PLCL1: variants seen among roughly 807,000 people sequenced by gnomAD.
PLCL1 encodes phospholipase C like 1 (inactive), also known as inactive phospholipase C-like protein 1.
A neutral mutation model predicts 84.4 loss-of-function variants in PLCL1; 41 were observed. That is an observed-to-expected ratio of 0.49 (90% CI 0.38 to 0.63). The LOEUF (loss-of-function observed/expected upper bound fraction) is 0.63. Ranked by LOEUF, PLCL1 falls within the 30% of genes least tolerant of loss-of-function variation. PLCL1 has a pLI of 0.00. For missense variants in PLCL1, 1,206 were observed against 1,367.8 expected, an observed-to-expected ratio of 0.88 and a Z score of 1.87; for synonymous variants, 490 against 488.3, an observed-to-expected ratio of 1.00 and a Z score of -0.05.
chr2:198,084,373 G>A lies in PLCL1; in HGVS notation c.856G>A (p.Glu286Lys). The change falls in exon 2 of 6, where the codon GAA (glutamate) becomes AAA (lysine). Residue 286 changes from glutamate to lysine, a missense_variant. Physicochemically the swap from Glu to Lys is moderately conservative, Grantham distance 56 (BLOSUM62 1). Transcript: ENST00000428675. ...KEAKIRLKFK[E>K]IQKSKEKLTT... ...AGCCAAGATCAGGTTAAAGTTTAAA[G>A]AAATCCAGAAGAGCAAGGAAAAACT... 1.9e-6 allele frequency: 3 copies of A among 1,614,118 alleles called. No individual in the cohort carries two copies. Among genetic ancestry groups the A allele is most frequent in the Non-Finnish European group, 2.5e-6 (3 of 1,179,996 alleles).
intron 1 of PLCL1, among the ~76,000 whole-genome samples, chr2:198,023,136 C>T (rs893860241): frequency 1.1e-4 from 16 of 152,164 alleles, no homozygotes; most frequent in Non-Finnish European, 1.9e-4. Flanking sequence ...CTGACAAAAA[C>T]AAGCAATGGG....
intron 1 of PLCL1, among the ~76,000 whole-genome samples, chr2:197,923,262 C>G (rs1262150810): frequency 6.7e-6 from 1 of 148,526 alleles, no homozygotes; most frequent in African/African-American, 2.5e-5. Flanking sequence ...GGGCTGACCC[C>G]CCCCACCTCC....
intron 5 of PLCL1, among the ~76,000 whole-genome samples, chr2:198,112,219 G>C (rs1248076622): frequency 1.3e-5 from 2 of 151,802 alleles, no homozygotes; most frequent in Non-Finnish European, 2.9e-5. Flanking sequence ...TGGTTAGCAT[G>C]AATCAGCTTC....
intron 1 of PLCL1, among the ~76,000 whole-genome samples, chr2:197,859,136 A>G (rs1233154354): frequency 6.6e-6 from 1 of 151,546 alleles, no homozygotes; most frequent in Admixed American, 6.6e-5. Flanking sequence ...GCTTGATAGA[A>G]TGAGCTGCAA....
chr2:197,820,301 C>G (rs969493824), intron 1 of PLCL1, among the ~76,000 whole-genome samples: 7 of 152,072 alleles, frequency 4.6e-5, no homozygotes, highest in African/African-American at 1.7e-4. Context: ...TTGCTACAAA[C>G]TTAGTGGCTT....
intron 1 of PLCL1, chr2:197,810,190 G>C: frequency 1.9e-6 from 1 of 513,464 alleles, no homozygotes; most frequent in South Asian, 2.1e-5. Context: ...ACTTCAGTTA[G>C]AATGTTACTT....
Position 197,840,689 on chromosome 2 carries a change from G to T in PLCL1, c.240+35350G>T, listed in dbSNP as rs187487066. The stretch of plus-strand genomic sequence containing the variant: ...CCTAAAATGAATGCATAGTAAGGAA[G>T]GGCAGGGCAGATGCCATGATCTGGG... On this transcript the variant is annotated intron_variant, in intron 1 of 5. Coordinates refer to ENST00000428675, the MANE Select transcript of PLCL1 (RefSeq NM_006226.4). Among the ~76,000 whole-genome samples, 41 of 152,272 alleles carry T rather than the reference G, an allele frequency of 2.7e-4. No homozygotes were observed. In the East Asian group the frequency reaches 7.5e-3, roughly 28 times the overall value.
intron 1 of PLCL1, among the ~76,000 whole-genome samples, chr2:197,864,304 C>G (rs1316475008): frequency 6.6e-6 from 1 of 150,984 alleles, no homozygotes; most frequent in Non-Finnish European, 1.5e-5. Context: ...ATCATGGTAA[C>G]AGAGGGCCAG....
intron 1 of PLCL1, among the ~76,000 whole-genome samples, chr2:197,912,404 G>T (rs1262416750): frequency 1.3e-5 from 2 of 150,732 alleles, no homozygotes; most frequent in African/African-American, 4.9e-5. Flanking sequence ...CAGGGATCTA[G>T]AACTAGAAAT....
chr2:198,071,022 G>C, intron 1 of PLCL1: 2 of 934,004 alleles, frequency 2.1e-6, no homozygotes, highest in Non-Finnish European at 2.6e-6. Context: ...TTCCAGACTT[G>C]TCATAGGTAA....
chr2:198,006,041 T>C (rs919280392), intron 1 of PLCL1, among the ~76,000 whole-genome samples: 1 of 152,188 alleles, frequency 6.6e-6, no homozygotes, highest in African/African-American at 2.4e-5. Flanking sequence ...TATTCAGAGA[T>C]GATTCCTAGG....
rs1002599544 is a variant in PLCL1 at position 198,051,386 on chromosome 2, T to C, written c.241-32372T>C. Among the ~76,000 whole-genome samples, 3 of 152,338 alleles carry C rather than the reference T, an allele frequency of 2.0e-5. No homozygotes were observed. The South Asian group carries it at 6.2e-4, about 32-fold the overall frequency. ...AATGCTAACATATTACAGTTTTAGATTTTTAATGGTTATGATAAACATGAG... is the reference window on the plus strand; with the variant it reads ...AATGCTAACATATTACAGTTTTAGACTTTTAATGGTTATGATAAACATGAG... On this transcript the variant is annotated intron_variant, in intron 1 of 5. Transcript: ENST00000428675.
intron 1 of PLCL1, among the ~76,000 whole-genome samples, chr2:198,013,581 CTT>C (rs1229704598): frequency 1.3e-5 from 2 of 152,004 alleles, no homozygotes; most frequent in Non-Finnish European, 2.9e-5. Context: ...AACTAAAAAT[CTT>C]TTGACTTTCC....
At chr2:198,056,460 A>C (rs989643938) in intron 1 of PLCL1, among the ~76,000 whole-genome samples, 2 of 152,170 alleles carry the variant, frequency 1.3e-5, no homozygotes, top group East Asian at 1.9e-4. Context: ...CATTTAAGCT[A>C]TCTCTCCTTT....
chr2:198,014,863 T>C (rs1369803046), intron 1 of PLCL1, among the ~76,000 whole-genome samples: 1 of 152,154 alleles, frequency 6.6e-6, no homozygotes, highest in Non-Finnish European at 1.5e-5. Context: ...CAAATTGTTT[T>C]CCTTTTTATG....
At chr2:198,025,539 C>T (rs1691242232) in intron 1 of PLCL1, among the ~76,000 whole-genome samples, 1 of 152,006 alleles carries the variant, frequency 6.6e-6, no homozygotes, top group Non-Finnish European at 1.5e-5. Context: ...AAATATTTCC[C>T]AAGTGGCTGA....
chr2:198,056,843 C>T (rs1692083552), intron 1 of PLCL1, among the ~76,000 whole-genome samples: 1 of 152,176 alleles, frequency 6.6e-6, no homozygotes, highest in Admixed American at 6.5e-5. Flanking sequence ...TTGATTTGCA[C>T]CCCTGGACAC....
At chr2:198,002,405 C>G (rs1690623388) in intron 1 of PLCL1, among the ~76,000 whole-genome samples, 1 of 152,030 alleles carries the variant, frequency 6.6e-6, no homozygotes, top group Admixed American at 6.5e-5. Context: ...TAAATAGTGA[C>G]AAATAATTTT....
chr2:197,857,110 A>G (rs1687343533), intron 1 of PLCL1, among the ~76,000 whole-genome samples: 1 of 152,150 alleles, frequency 6.6e-6, no homozygotes, highest in South Asian at 2.1e-4. Flanking sequence ...AAACCTGCAC[A>G]TCCTGCACAT....
Sources: allele counts gnomAD v4.1 joint callset (sites outside exome capture counted in the v4.1 genomes callset), GRCh38; gene constraint gnomAD v4.1.1; transcripts MANE v1.5; gene names NCBI Gene and HGNC (gene_info 2026-07-23, HGNC 2026-07-21).